ZSCAN22: variants seen among roughly 807,000 people sequenced by gnomAD.
ZSCAN22 encodes the protein zinc finger and SCAN domain containing 22.
A neutral mutation model predicts 12.4 loss-of-function variants in ZSCAN22; 7 were observed. The ratio of observed to expected loss-of-function variants is 0.57; its 90% confidence interval spans 0.32 to 1.06. ZSCAN22 has a LOEUF of 1.06. Ranked by LOEUF, ZSCAN22 falls within the 50% of genes least tolerant of loss-of-function variation. The pLI is 0.04. For synonymous variants in ZSCAN22, 243 were observed against 255.9 expected, an observed-to-expected ratio of 0.95 and a Z score of 0.48; for missense variants, 576 against 631.7, an observed-to-expected ratio of 0.91 and a Z score of 0.94.
Position 58,335,567 on chromosome 19 carries a change from A to G in ZSCAN22, c.403+362A>G, listed in dbSNP as rs1347304249. On this transcript the variant is annotated intron_variant, in intron 2 of 2. Coordinates refer to ENST00000329665, the MANE Select transcript of ZSCAN22 (RefSeq NM_181846.3). This position sits in a 1 kb window ranked among gnomAD's most constrained non-coding sequence, Gnocchi z 4.1. ...CCAAAGGGGTTAAAGATAGCCAGGAACCCCAGGCTTATGTCTTACCAATGT... is the reference window on the plus strand; with the variant it reads ...CCAAAGGGGTTAAAGATAGCCAGGAGCCCCAGGCTTATGTCTTACCAATGT... 6.6e-6 allele frequency among the ~76,000 whole-genome samples: 1 copy of G among 151,972 alleles called. No homozygotes were observed. The highest frequency in any genetic ancestry group is 1.5e-5 in the Non-Finnish European group (1 of 67,976).
chr19:58,337,965 C>T (rs751835077), intron 2 of ZSCAN22, among the ~76,000 whole-genome samples: 12 of 152,276 alleles, frequency 7.9e-5, no homozygotes, highest in Non-Finnish European at 1.6e-4. Flanking sequence ...AGTTCCACAT[C>T]AGGGTTTCTC....
Position 58,340,474 on chromosome 19 carries a change from T to TC in ZSCAN22, c.*1149dup, listed in dbSNP as rs61343444. The TC allele has an allele frequency of 3.9e-5, 6 of 154,352 alleles. No individual in the cohort carries two copies. The highest frequency in any genetic ancestry group is 3.4e-4 in the Admixed American group (5 of 14,738). The allele number at this position is 154,352 out of a possible 1,614,324, so 9.6% of individuals were successfully genotyped here. A position where few individuals can be genotyped will look rare whatever the true frequency, so the allele number is the denominator to read the frequency against. ...CCTCCTCTTCTTTTTCTTTTTCTTTTCTTTTCTTTTTTTTTTTTTGAGATG... is the reference window on the plus strand; with the variant it reads ...CCTCCTCTTCTTTTTCTTTTTCTTTTCCTTTTCTTTTTTTTTTTTTGAGATG... On this transcript the variant is annotated 3_prime_UTR_variant, in exon 3 of 3. Transcript: ENST00000329665.
chr19:58,331,080 C>G (rs1454731261), intron 1 of ZSCAN22, among the ~76,000 whole-genome samples: 1 of 152,210 alleles, frequency 6.6e-6, no homozygotes, highest in Non-Finnish European at 1.5e-5. Context: ...CAAGTAACCA[C>G]ATACGTGTAT....
At position 58,342,003 on chromosome 19, in the gene ZSCAN22, C is replaced by CT. The variant is rs1395288537; in HGVS notation, c.*2678dup. 1 of 152,286 alleles carries CT rather than the reference C, an allele frequency of 6.6e-6. No individual in the cohort carries two copies. The highest frequency in any genetic ancestry group is 1.5e-5 in the Non-Finnish European group (1 of 68,086). The allele number at this position is 152,286 out of a possible 1,614,324, so 9.4% of individuals were successfully genotyped here. ...TCTTTGCCTCCTACTTGCTCAGTCT[C>CT]TGTCACAAGAACTGGATCTCCATCC... On this transcript the variant is annotated 3_prime_UTR_variant, in exon 3 of 3. Transcript: ENST00000329665.
At chr19:58,328,840 T>A (rs776276122) in intron 1 of ZSCAN22, among the ~76,000 whole-genome samples, 4 of 152,276 alleles carry the variant, frequency 2.6e-5, no homozygotes, top group East Asian at 1.9e-4. Context: ...GTAACCATGC[T>A]CAGCCTTTAC....
At chr19:58,333,735 T>G (rs1266746666) in intron 1 of ZSCAN22, among the ~76,000 whole-genome samples, 1 of 152,152 alleles carries the variant, frequency 6.6e-6, no homozygotes. Flanking sequence ...TTCCAGCTAC[T>G]TGGGAGGCTG....
chr19:58,337,188 T>C (rs2051808687), intron 2 of ZSCAN22, among the ~76,000 whole-genome samples: 1 of 152,248 alleles, frequency 6.6e-6, no homozygotes, highest in East Asian at 1.9e-4. Context: ...ATATTCTACC[T>C]GGGGTTCTAC....
rs998365851 is a variant in ZSCAN22, at chr19:58,334,585, G to C, written c.-51-167G>C. The C allele has an allele frequency of 1.8e-5, 10 of 552,636 alleles. No homozygotes were observed. In the African/African-American group the frequency reaches 1.9e-4, roughly 10 times the overall value. 34.2% of individuals were successfully genotyped at this position (552,636 alleles called of 1,614,324 possible). A position where few individuals can be genotyped will look rare whatever the true frequency, so the allele number is the denominator to read the frequency against. The stretch of plus-strand genomic sequence containing the variant: ...TCTACATGCAAGCAGTAGTAGCTTA[G>C]AACAGTGCTCAGCACCAAGTGGGTG... On this transcript the variant is annotated intron_variant, in intron 1 of 2. Coordinates refer to ENST00000329665, the MANE Select transcript of ZSCAN22 (RefSeq NM_181846.3).
In ZSCAN22 at chr19:58,335,058, G is replaced by C. The variant is rs1375385445; in HGVS notation, c.256G>C (p.Glu86Gln). ...QWLQPEAHSK[E>Q]QILELLVLEQ... Reference sequence around the variant, plus strand: ...GCTGCAGCCCGAGGCGCACTCCAAGGAGCAGATACTGGAGCTGCTGGTGCT... The same window carrying C: ...GCTGCAGCCCGAGGCGCACTCCAAGCAGCAGATACTGGAGCTGCTGGTGCT... The change falls in exon 2 of 3, where the codon GAG becomes CAG. Residue 86 changes from glutamate to glutamine, a missense_variant. Transcript: ENST00000329665. The surrounding 1 kb of genome is among the most constrained non-coding windows in gnomAD (Gnocchi z 4.1). 2.5e-6 allele frequency: 4 copies of C among 1,613,998 alleles called. No homozygotes were observed. The highest frequency in any genetic ancestry group is 2.7e-5 in the African/African-American group (2 of 74,944).
Position 58,342,270 on chromosome 19 carries a change from TA to T in ZSCAN22, c.*2945del, listed in dbSNP as rs1245356376. 6.6e-6 allele frequency: 1 copy of T among 152,220 alleles called. No individual in the cohort carries two copies. Among genetic ancestry groups the T allele is most frequent in the Admixed American group, 6.5e-5 (1 of 15,280 alleles). 9.4% of individuals were successfully genotyped at this position (152,220 alleles called of 1,614,324 possible). ...TCACACTGCCAGGAACTGGAAGCAC[TA>T]GGATTTGACAGCATATCCAAATATG... On this transcript the variant is annotated 3_prime_UTR_variant, in exon 3 of 3. Coordinates refer to ENST00000329665, the MANE Select transcript of ZSCAN22 (RefSeq NM_181846.3).
rs552021073 is a variant in ZSCAN22, at chr19:58,339,049, G to T, written c.1199G>T (p.Arg400Leu). ...SQSTHLTQHQRIHTGEKPYKC... is the reference protein window; with the variant it reads ...SQSTHLTQHQLIHTGEKPYKC... ...AGCACGCACCTGACTCAACACCAGCGCATCCACACCGGGGAGAAGCCCTAC... is the reference window on the plus strand; with the variant it reads ...AGCACGCACCTGACTCAACACCAGCTCATCCACACCGGGGAGAAGCCCTAC... The change falls in exon 3 of 3, where the codon CGC (arginine) becomes CTC (leucine). Residue 400 changes from arginine to leucine, a missense_variant. Coordinates refer to ENST00000329665, the MANE Select transcript of ZSCAN22 (RefSeq NM_181846.3). This position sits in a 1 kb window ranked among gnomAD's most constrained non-coding sequence, Gnocchi z 5.6. 9 of 1,614,082 alleles carry T rather than the reference G, an allele frequency of 5.6e-6. No individual in the cohort carries two copies. Among genetic ancestry groups the T allele is most frequent in the Middle Eastern group, 3.3e-4 (2 of 6,084 alleles).
At chr19:58,336,066 A>C (rs1488357944) in intron 2 of ZSCAN22, among the ~76,000 whole-genome samples, 2 of 152,144 alleles carry the variant, frequency 1.3e-5, no homozygotes, top group Non-Finnish European at 2.9e-5. Context: ...AGGAATGTGG[A>C]GTCTGGATAC....
rs1359180989 is a variant in ZSCAN22 at position 58,335,692 on chromosome 19, C to G, written c.403+487C>G. ...TGTTTGGCCAACCAAATCCCAGGGA[C>G]TAACAGTGAGCAACTGGCTGTTTCT... On this transcript the variant is annotated intron_variant, in intron 2 of 2. Transcript: ENST00000329665. The surrounding 1 kb of genome is among the most constrained non-coding windows in gnomAD (Gnocchi z 4.1). Among the ~76,000 whole-genome samples, 2 of 152,210 alleles carry G rather than the reference C, an allele frequency of 1.3e-5. No homozygotes were observed. The highest frequency in any genetic ancestry group is 3.9e-4 in the East Asian group (2 of 5,190).
Position 58,338,821 on chromosome 19 carries a change from A to G in ZSCAN22, c.971A>G (p.His324Arg), listed in dbSNP as rs146020373. 2 of 1,614,022 alleles carry G rather than the reference A, an allele frequency of 1.2e-6. No homozygotes were observed. The highest frequency in any genetic ancestry group is 1.1e-5 in the South Asian group (1 of 91,082). Residue 324 changes from histidine (H) to arginine (R), a missense_variant, in exon 3 of 3, where the codon CAT becomes CGT. By Grantham distance (29) the His-to-Arg change is conservative. Coordinates refer to ENST00000329665, the MANE Select transcript of ZSCAN22 (RefSeq NM_181846.3). The surrounding 1 kb of genome is among the most constrained non-coding windows in gnomAD (Gnocchi z 5.4). The stretch of plus-strand genomic sequence containing the variant: ...GTTGTCCACACAGGGGCGAAGCCCC[A>G]TGAGTGTAAGGAATGTGGGAAGGCC... ...HQVVHTGAKP[H>R]ECKECGKAFS... is the part of the protein sequence containing the mutation.
intron 1 of ZSCAN22, among the ~76,000 whole-genome samples, chr19:58,331,195 C>A (rs1479889558): frequency 1.3e-5 from 2 of 151,636 alleles, no homozygotes; most frequent in African/African-American, 4.8e-5. Flanking sequence ...GGAGAGAACA[C>A]CCAACAATTA....
At chr19:58,334,144 G>A (rs1476902274) in intron 1 of ZSCAN22, among the ~76,000 whole-genome samples, 1 of 152,220 alleles carries the variant, frequency 6.6e-6, no homozygotes, top group East Asian at 1.9e-4. Flanking sequence ...TGTTGGGGAG[G>A]AGCACGCCTT....
rs779648473 is a variant in ZSCAN22, at chr19:58,338,920, G to T, written c.1070G>T (p.Cys357Phe). The change falls in exon 3 of 3, where the codon TGT becomes TTT. Residue 357 changes from cysteine to phenylalanine, a missense_variant. Coordinates refer to ENST00000329665, the MANE Select transcript of ZSCAN22 (RefSeq NM_181846.3). This position sits in a 1 kb window ranked among gnomAD's most constrained non-coding sequence, Gnocchi z 5.4. ...TGEKPYKCGECGKTFSRSTHL... is the reference protein window; with the variant it reads ...TGEKPYKCGEFGKTFSRSTHL... Reference sequence around the variant, plus strand: ...GAGAAACCCTACAAATGTGGGGAATGTGGTAAAACCTTCAGCCGCAGCACT... The same window carrying T: ...GAGAAACCCTACAAATGTGGGGAATTTGGTAAAACCTTCAGCCGCAGCACT... 1 of 1,614,110 alleles carries T rather than the reference G, an allele frequency of 6.2e-7. No individual in the cohort carries two copies. Among genetic ancestry groups the T allele is most frequent in the Non-Finnish European group, 8.5e-7 (1 of 1,180,018 alleles).
At position 58,340,181 on chromosome 19, in the gene ZSCAN22, G is replaced by C. The variant is rs986453566; in HGVS notation, c.*855G>C. ...GATCTGACTGTGTCACTCCAAGGTG[G>C]AAAGCTCTCCAACCCATCTTCTACA... On this transcript the variant is annotated 3_prime_UTR_variant, in exon 3 of 3. Coordinates refer to ENST00000329665, the MANE Select transcript of ZSCAN22 (RefSeq NM_181846.3). 1.3e-5 allele frequency: 2 copies of C among 152,332 alleles called. No individual in the cohort carries two copies. Among genetic ancestry groups the C allele is most frequent in the Non-Finnish European group, 2.9e-5 (2 of 68,106 alleles). 9.4% of individuals were successfully genotyped at this position (152,332 alleles called of 1,614,324 possible). A position where few individuals can be genotyped will look rare whatever the true frequency, so the allele number is the denominator to read the frequency against.
rs145420586 is a variant in ZSCAN22, at chr19:58,340,455, C to CTTCTTT, written c.*1143_*1148dup. On this transcript the variant is annotated 3_prime_UTR_variant, in exon 3 of 3. Coordinates refer to ENST00000329665, the MANE Select transcript of ZSCAN22 (RefSeq NM_181846.3). ...TTGTACCTGTGCCTGGAACCCTCCT[C>CTTCTTT]TTCTTTTTCTTTTTCTTTTCTTTTC... 362 of 155,060 alleles carry CTTCTTT rather than the reference C, an allele frequency of 2.3e-3. 4 individuals are homozygous for CTTCTTT. Among genetic ancestry groups the CTTCTTT allele is most frequent in the African/African-American group, 4.7e-3 (189 of 40,126 alleles). The allele number at this position is 155,060 out of a possible 1,614,324, so 9.6% of individuals were successfully genotyped here. A position where few individuals can be genotyped will look rare whatever the true frequency, so the allele number is the denominator to read the frequency against.
Sources: allele counts gnomAD v4.1 joint callset (sites outside exome capture counted in the v4.1 genomes callset), GRCh38; gene constraint gnomAD v4.1.1; non-coding constraint Gnocchi (gnomAD v3.1); transcripts MANE v1.5; gene names NCBI Gene and HGNC (gene_info 2026-07-23, HGNC 2026-07-21).